The following DNAH5 variants were observed in gnomAD, a reference collection of about 807,000 sequenced individuals.
DNAH5 encodes the protein axonemal beta dynein heavy chain 5.
A neutral mutation model predicts 518.2 loss-of-function variants in DNAH5; 372 were observed. The ratio of observed to expected loss-of-function variants is 0.72; its 90% confidence interval spans 0.66 to 0.78. The LOEUF (loss-of-function observed/expected upper bound fraction) is 0.78. Ranked by LOEUF, DNAH5 falls within the 30% of genes least tolerant of loss-of-function variation. The probability of loss-of-function intolerance (pLI) is 0.00; values close to 1 mark genes in which losing one functional copy is unlikely to be tolerated. For missense variants in DNAH5, 5,523 were observed against 5,687.0 expected (o/e 0.97, Z 0.93); for synonymous variants, 2,039 against 2,025.9 (o/e 1.01, Z -0.17).
chr5:13,964,234 AG>A (rs543098871), intron 1 of DNAH5, among the ~76,000 whole-genome samples: 8 of 152,118 alleles, frequency 5.3e-5, no homozygotes, highest in Non-Finnish European at 1.2e-4. Flanking sequence ...CAGACAGCCC[AG>A]GGTCACCTAG....
rs776594508 is a variant in DNAH5 at position 13,882,790 on chromosome 5, G to A, written c.3200C>T (p.Ala1067Val). 3.7e-6 allele frequency: 6 copies of A among 1,614,018 alleles called. No individual in the cohort carries two copies. The Admixed American group carries it at 1.0e-4, about 27-fold the overall frequency. The change falls in exon 21 of 79, where the codon GCT becomes GTT. Residue 1067 changes from alanine to valine, a missense_variant. Transcript: ENST00000265104. ...SKKKIQERKMAALQSNEDSDS... is the reference protein window; with the variant it reads ...SKKKIQERKMVALQSNEDSDS... ...ACTGTCTTCATTACTCTGCAAAGCA[G>A]CCATTTTTCTTTCTTGTATCTTTTT...
chr5:13,822,572 T>A (rs1329005429), intron 40 of DNAH5, among the ~76,000 whole-genome samples: 1 of 152,190 alleles, frequency 6.6e-6, no homozygotes, highest in African/African-American at 2.4e-5. Context: ...TTATTATAAA[T>A]ATTTTCAAGG....
At position 13,692,115 on chromosome 5, in the gene DNAH5, A is replaced by G; in HGVS notation, c.13744T>C (p.Tyr4582His). ...GGCTTCTTATAGATGGGACAGGAGT[A>G]AAACCGAGGATCTCGTAAAGCTACA... ...ENNTLRDPRF[Y>H]SCPIYKKPVR... is the part of the protein sequence containing the mutation. The change falls in exon 79 of 79, where the codon TAC (tyrosine) becomes CAC (histidine). Residue 4582 changes from tyrosine to histidine, a missense_variant. This residue lies in a region of DNAH5 where 387 missense variants were observed against 430.0 expected (regional missense o/e 0.90). Coordinates refer to ENST00000265104, the MANE Select transcript of DNAH5 (RefSeq NM_001369.3). 1 of 1,614,064 alleles carries G rather than the reference A, an allele frequency of 6.2e-7. No homozygotes were observed. Among genetic ancestry groups the G allele is most frequent in the Non-Finnish European group, 8.5e-7 (1 of 1,179,966 alleles).
chr5:13,891,021 G>A lies in DNAH5; in HGVS notation c.2532C>T (p.Pro844=). ...CTTCACAGGTTAGTGGCTCCTCCTGGGGAAGCTGACAAAGAGGCGTGCTGC... is the reference window on the plus strand; with the variant it reads ...CTTCACAGGTTAGTGGCTCCTCCTGAGGAAGCTGACAAAGAGGCGTGCTGC... ...EMSSTPLCQL[P]QEEPLTCEEF... The change falls in exon 17 of 79, where the codon CCC becomes CCT. Residue 844 remains proline, a synonymous_variant. Coordinates refer to ENST00000265104, the MANE Select transcript of DNAH5 (RefSeq NM_001369.3). 6.2e-7 allele frequency: 1 copy of A among 1,614,130 alleles called. No individual in the cohort carries two copies. The highest frequency in any genetic ancestry group is 8.5e-7 in the Non-Finnish European group (1 of 1,180,004).
At chr5:13,945,571 T>C (rs1216547603), upstream of DNAH5, among the ~76,000 whole-genome samples, 2 of 152,126 alleles carry the variant, frequency 1.3e-5, no homozygotes, top group Non-Finnish European at 2.9e-5. Context: ...AGTAAATAAC[T>C]AGAACACAGG....
intron 31 of DNAH5, among the ~76,000 whole-genome samples, chr5:13,847,392 A>G (rs973389519): frequency 6.6e-6 from 1 of 151,804 alleles, no homozygotes; most frequent in African/African-American, 2.4e-5. Context: ...GTTGGGTGAC[A>G]GAATAGAATA....
intron 47 of DNAH5, among the ~76,000 whole-genome samples, chr5:13,803,883 G>A (rs2126974187): frequency 6.6e-6 from 1 of 152,292 alleles, no homozygotes; most frequent in East Asian, 1.9e-4. Context: ...AAAAAACACT[G>A]TGGAATTTCC....
intron 1 of DNAH5, among the ~76,000 whole-genome samples, chr5:13,953,943 T>C (rs1429632820): frequency 6.6e-6 from 1 of 152,066 alleles, no homozygotes; most frequent in East Asian, 1.9e-4. Context: ...CCTGACCTCA[T>C]GTGATCCACC....
Position 13,801,451 on chromosome 5 carries a change from T to A in DNAH5, c.7887+6140A>T, listed in dbSNP as rs886805091. Among the ~76,000 whole-genome samples the A allele has an allele frequency of 1.3e-5, 2 of 152,212 alleles. 1 individual carries two copies. The highest frequency in any genetic ancestry group is 1.3e-4 in the Admixed American group (2 of 15,270). ...CCCAGTCTCAGGTCATTCTTTATAG[T>A]AGTGCAAGAACAGACTAACATAAAC... is the stretch of plus-strand genomic sequence containing the variant. On this transcript the variant is annotated intron_variant, in intron 47 of 78. Transcript: ENST00000265104.
intron 75 of DNAH5, among the ~76,000 whole-genome samples, chr5:13,709,246 T>C (rs191314195): frequency 9.2e-5 from 14 of 152,132 alleles, no homozygotes; most frequent in Admixed American, 6.5e-4. Context: ...GAAAATGAGA[T>C]ACAAAAGGGA....
chr5:13,980,515 C>T (rs916639217), intron 1 of DNAH5, among the ~76,000 whole-genome samples: 1 of 152,078 alleles, frequency 6.6e-6, no homozygotes, highest in Non-Finnish European at 1.5e-5. Context: ...ACCAGCCTTG[C>T]GGTCTGCTTT....
chr5:13,995,286 G>A (rs1276289314), intron 1 of DNAH5, among the ~76,000 whole-genome samples: 2 of 152,306 alleles, frequency 1.3e-5, no homozygotes, highest in Middle Eastern at 3.4e-3. Context: ...ACAATGCCCT[G>A]ATGTCCAAAC....
intron 3 of DNAH5, among the ~76,000 whole-genome samples, chr5:13,925,274 C>G (rs1777751138): frequency 6.6e-6 from 1 of 151,668 alleles, no homozygotes; most frequent in African/African-American, 2.4e-5. Flanking sequence ...AACAGAATTT[C>G]AAAGGAAAAA....
chr5:13,826,846 A>G (rs2151829375), intron 38 of DNAH5, among the ~76,000 whole-genome samples: 1 of 152,346 alleles, frequency 6.6e-6, no homozygotes, highest in South Asian at 2.1e-4. Flanking sequence ...GCTCAGAAGA[A>G]GACTGAAGAA....
At chr5:13,936,824 T>TCTA (rs1269859130) in intron 1 of DNAH5, among the ~76,000 whole-genome samples, 3 of 152,206 alleles carry the variant, frequency 2.0e-5, no homozygotes, top group Non-Finnish European at 4.4e-5. Context: ...CTGACACAGA[T>TCTA]CTACTCCACT....
At chr5:13,700,389 C>T (rs1358120885) in intron 78 of DNAH5, among the ~76,000 whole-genome samples, 1 of 152,200 alleles carries the variant, frequency 6.6e-6, no homozygotes, top group East Asian at 1.9e-4. Context: ...GCTAATATTT[C>T]ATGAGTATCC....
chr5:13,830,651 C>A lies in DNAH5; in HGVS notation c.6007G>T (p.Val2003Phe). ...TCCATCTGGTCTGAACAATTGAAAA[C>A]CACGACGTATTTCCCGAGGCATCGT... ...MGRCLGKYVV[V>F]FNCSDQMDFR... Residue 2003 changes from valine (V) to phenylalanine (F), a missense_variant, in exon 36 of 79, where the codon GTT becomes TTT. Physicochemically the swap from Val to Phe is conservative, Grantham distance 50. Around this residue, in one of 3 missense-constraint regions of DNAH5, gnomAD observed 5,121 missense variants for 5,223.3 expected, o/e 0.98. Coordinates refer to ENST00000265104, the MANE Select transcript of DNAH5 (RefSeq NM_001369.3). 6.2e-7 allele frequency: 1 copy of A among 1,614,178 alleles called. No homozygotes were observed. The highest frequency in any genetic ancestry group is 2.2e-5 in the East Asian group (1 of 44,880).
chr5:13,977,452 C>T (rs1204815177), intron 1 of DNAH5, among the ~76,000 whole-genome samples: 1 of 151,204 alleles, frequency 6.6e-6, no homozygotes, highest in African/African-American at 2.4e-5. Flanking sequence ...TCATTTCTCA[C>T]CGCTCAGGAG....
intron 16 of DNAH5, among the ~76,000 whole-genome samples, chr5:13,892,356 T>C (rs772711125): frequency 2.6e-5 from 4 of 152,186 alleles, no homozygotes; most frequent in African/African-American, 4.8e-5. Context: ...GCAAAAGGGA[T>C]TTTGCAGATG....
Sources: allele counts gnomAD v4.1 joint callset (sites outside exome capture counted in the v4.1 genomes callset), GRCh38; gene constraint gnomAD v4.1.1; regional missense constraint gnomAD v4.1.1; transcripts MANE v1.5; gene names NCBI Gene and HGNC (gene_info 2026-07-23, HGNC 2026-07-21).